PPARG: variants seen among roughly 807,000 people sequenced by gnomAD.
PPARG encodes peroxisome proliferator-activated receptor gamma.
Under a neutral mutation model 39.2 loss-of-function variants are expected in PPARG, and 17 were observed. The observed-to-expected ratio is 0.43, with a 90% CI of 0.30 to 0.65. The LOEUF is 0.65. PPARG is among the 30% of genes least tolerant of loss of function. PPARG has a pLI of 0.13. For synonymous variants in PPARG, 223 were observed against 215.7 expected, an observed-to-expected ratio of 1.03 and a Z score of -0.30; for missense variants, 406 against 585.9, an observed-to-expected ratio of 0.69 and a Z score of 3.17.
chr3:12,376,877 C>T (rs1041837465), intron 2 of PPARG, among the ~76,000 whole-genome samples: 5 of 152,162 alleles, frequency 3.3e-5, no homozygotes, highest in African/African-American at 9.7e-5. Context: ...AAGAAAGATA[C>T]GCCTATGATT....
intron 6 of PPARG, among the ~76,000 whole-genome samples, chr3:12,414,174 G>A (rs2050979505): frequency 6.6e-6 from 1 of 152,210 alleles, no homozygotes; most frequent in African/African-American, 2.4e-5. Flanking sequence ...TTGAGCAGAA[G>A]CTCTGAAAGT....
At chr3:12,360,726 G>A (rs1292109352) in intron 2 of PPARG, among the ~76,000 whole-genome samples, 1 of 152,062 alleles carries the variant, frequency 6.6e-6, no homozygotes, top group Non-Finnish European at 1.5e-5. Flanking sequence ...CTTTTGCTTA[G>A]CATTTATTCG....
intron 5 of PPARG, among the ~76,000 whole-genome samples, chr3:12,399,820 CAA>C (rs36025945): frequency 6.8e-5 from 7 of 103,266 alleles, no homozygotes; most frequent in East Asian, 2.7e-4. Flanking sequence ...CCATGTCTAC[CAA>C]AAAAAAAAAA....
chr3:12,328,417 A>C, intron 2 of PPARG: 1 of 618,872 alleles, frequency 1.6e-6, no homozygotes, highest in Non-Finnish European at 2.9e-6. Flanking sequence ...TTTCTGCATC[A>C]CCCTGAGCCC....
intron 2 of PPARG, among the ~76,000 whole-genome samples, chr3:12,369,410 C>G (rs114488249): frequency 0.029 from 4,433 of 152,062 alleles, 201 homozygotes; most frequent in African/African-American, 0.1. Context: ...GAGGATTTCT[C>G]GAGCCCGGGA....
intron 2 of PPARG, among the ~76,000 whole-genome samples, chr3:12,360,174 C>T (rs761044839): frequency 6.6e-6 from 1 of 151,808 alleles, no homozygotes; most frequent in East Asian, 1.9e-4. Context: ...TTTCTTTTTG[C>T]TCTTTTTGTT....
At chr3:12,290,568 T>G (rs2046624087) in intron 1 of PPARG, among the ~76,000 whole-genome samples, 1 of 152,180 alleles carries the variant, frequency 6.6e-6, no homozygotes, top group Non-Finnish European at 1.5e-5. Context: ...ATTTCTAAAT[T>G]CCTATGACAT....
chr3:12,289,723 A>G (rs1433285240), intron 1 of PPARG, among the ~76,000 whole-genome samples: 1 of 152,188 alleles, frequency 6.6e-6, no homozygotes, highest in Non-Finnish European at 1.5e-5. Context: ...TGGTATAGGG[A>G]CTGGCATGGA....
At chr3:12,419,106 G>A (rs2051174218) in intron 7 of PPARG, among the ~76,000 whole-genome samples, 1 of 151,452 alleles carries the variant, frequency 6.6e-6, no homozygotes, top group African/African-American at 2.4e-5. Context: ...CACCACACTC[G>A]GCTAATTTTT....
intron 1 of PPARG, among the ~76,000 whole-genome samples, chr3:12,296,290 T>TTAGTCTAAGG (rs2046784855): frequency 7.2e-6 from 1 of 139,648 alleles, no homozygotes; most frequent in Admixed American, 7.3e-5. Context: ...GAATAAAGAA[T>TTAGTCTAAGG]TAGTCTAAGG....
chr3:12,399,629 A>T (rs1369477751), intron 5 of PPARG: 10 of 137,046 alleles, frequency 7.3e-5, no homozygotes, highest in Non-Finnish European at 1.5e-5. Flanking sequence ...AAGAGAAAGG[A>T]TGGAAGGGAG....
At position 12,434,288 on chromosome 3, in the gene PPARG, T is replaced by G; in HGVS notation, c.*143T>G. 1 of 1,054,484 alleles carries G rather than the reference T, an allele frequency of 9.5e-7. No homozygotes were observed. The allele number at this position is 1,054,484 out of a possible 1,614,324, so 65.3% of individuals were successfully genotyped here. ...AATATGATCTATTTTATGCATATTG[T>G]TTATAAAGACACATTTACAATTTAC... On this transcript the variant is annotated 3_prime_UTR_variant, in exon 8 of 8. Coordinates refer to ENST00000651735, the MANE Select transcript of PPARG (RefSeq NM_138711.6). The surrounding 1 kb of genome is among the most constrained non-coding windows in gnomAD (Gnocchi z 4.2).
chr3:12,369,297 G>T (rs757736515), intron 2 of PPARG, among the ~76,000 whole-genome samples: 8 of 152,114 alleles, frequency 5.3e-5, no homozygotes, highest in Non-Finnish European at 1.2e-4. Flanking sequence ...TTTGAGATCA[G>T]CCTGGGCAAC....
intron 2 of PPARG, among the ~76,000 whole-genome samples, chr3:12,373,974 G>A (rs975892373): frequency 1.3e-5 from 2 of 152,146 alleles, no homozygotes; most frequent in South Asian, 4.1e-4. Context: ...ACTAAAAGAG[G>A]CAGGGCATGT....
chr3:12,361,527 A>G (rs1391084230), intron 2 of PPARG, among the ~76,000 whole-genome samples: 3 of 152,214 alleles, frequency 2.0e-5, no homozygotes, highest in African/African-American at 7.2e-5. Flanking sequence ...ACTTTTGTGT[A>G]TGTTGTAAGG....
intron 4 of PPARG, among the ~76,000 whole-genome samples, chr3:12,390,637 C>CTTTTTTTTTTTTTTTTT (rs35190152): frequency 1.1e-5 from 1 of 92,354 alleles, no homozygotes; most frequent in African/African-American, 4.5e-5. Flanking sequence ...TATTTTCTTC[C>CTTTTTTTTTTTTTTTTT]TTTTTTTTTT....
chr3:12,387,729 C>T (rs1170722276), intron 4 of PPARG, among the ~76,000 whole-genome samples: 3 of 152,116 alleles, frequency 2.0e-5, no homozygotes, highest in South Asian at 2.1e-4. Flanking sequence ...TAATTAGATC[C>T]CATTTGTCAA....
At chr3:12,378,341 G>A (rs934409039) in intron 2 of PPARG, among the ~76,000 whole-genome samples, 8 of 152,034 alleles carry the variant, frequency 5.3e-5, no homozygotes, top group Non-Finnish European at 1.0e-4. Flanking sequence ...AGCATTATTC[G>A]CAATAGCCAA....
intron 1 of PPARG, among the ~76,000 whole-genome samples, chr3:12,296,602 A>C (rs1274851434): frequency 6.6e-6 from 1 of 152,144 alleles, no homozygotes. Flanking sequence ...CATCCTATAA[A>C]ACTACCCCCA....
Sources: allele counts gnomAD v4.1 joint callset (sites outside exome capture counted in the v4.1 genomes callset), GRCh38; gene constraint gnomAD v4.1.1; non-coding constraint Gnocchi (gnomAD v3.1); transcripts MANE v1.5; gene names NCBI Gene and HGNC (gene_info 2026-07-23, HGNC 2026-07-21).